The following PAX7 variants were observed in gnomAD, a reference collection of about 807,000 sequenced individuals.
PAX7 encodes paired box 7, also known as paired box protein Pax-7.
In PAX7, 18 loss-of-function variants were observed where a neutral mutation model predicts 50.7. That is an observed-to-expected ratio of 0.36 (90% CI 0.25 to 0.53). The LOEUF (loss-of-function observed/expected upper bound fraction) is 0.53, where lower values mean the gene tolerates loss of function less well. Ranked by LOEUF, PAX7 falls within the 20% of genes least tolerant of loss-of-function variation. The pLI is 0.93. For missense variants in PAX7, 644 were observed against 702.9 expected (o/e 0.92, Z 0.95); for synonymous variants, 310 against 290.4 (o/e 1.07, Z -0.69).
In PAX7 at chr1:18,694,476, A is replaced by G. The variant is rs200255194; in HGVS notation, c.786+2523A>G. Among the ~76,000 whole-genome samples the G allele has an allele frequency of 5.9e-3, 458 of 77,250 alleles. 3 individuals carry two copies. The highest frequency in any genetic ancestry group is 0.02 in the African/African-American group (426 of 20,904). The allele number at this position is 77,250 out of a possible 152,430, so 50.7% of individuals were successfully genotyped here. On this transcript the variant is annotated intron_variant, in intron 5 of 8. Coordinates refer to ENST00000420770, the MANE Select transcript of PAX7 (RefSeq NM_001135254.2). ...CTCTGTCTCGAAAATAAATAAATAA[A>G]TAAATAAATAAATAAATAAATAAAT...
chr1:18,670,082 C>CAAAAAA (rs10626256), intron 4 of PAX7, among the ~76,000 whole-genome samples: 1 of 81,338 alleles, frequency 1.2e-5, no homozygotes, highest in Admixed American at 1.5e-4. Flanking sequence ...GACTCCATCT[C>CAAAAAA]AAAAAAAAAA....
chr1:18,631,457 G>T lies in PAX7; in HGVS notation c.-147G>T. On this transcript the variant is annotated 5_prime_UTR_variant, in exon 1 of 9. Coordinates refer to ENST00000420770, the MANE Select transcript of PAX7 (RefSeq NM_001135254.2). ...ACTGCAGCCAGGGGTGGGGGGTGGG[G>T]GTAGGGAGTGTGTGTGGAGGGGAGG... 1.4e-6 allele frequency: 1 copy of T among 693,544 alleles called. No homozygotes were observed. Among genetic ancestry groups the T allele is most frequent in the South Asian group, 1.7e-5 (1 of 57,438 alleles). The allele number at this position is 693,544 out of a possible 1,614,324, so 43.0% of individuals were successfully genotyped here.
chr1:18,708,761 C>T (rs995251876), intron 7 of PAX7, among the ~76,000 whole-genome samples: 1 of 151,978 alleles, frequency 6.6e-6, no homozygotes, highest in African/African-American at 2.4e-5. Flanking sequence ...GATCTCCAGT[C>T]TGGTGGGGAA....
chr1:18,691,922 A>G lies in PAX7; in HGVS notation c.755A>G (p.Gln252Arg). Residue 252 changes from glutamine to arginine, a missense_variant, in exon 5 of 9, where the codon CAG (glutamine) becomes CGG (arginine). Coordinates refer to ENST00000420770, the MANE Select transcript of PAX7 (RefSeq NM_001135254.2). Reference protein sequence around the residue: ...PDIYTREELAQRTKLTEARVQ... With the variant: ...PDIYTREELARRTKLTEARVQ... Reference sequence around the variant, plus strand: ...ATATACACCCGCGAGGAGCTGGCGCAGAGGACCAAGCTGACAGAGGCGCGT... The same window carrying G: ...ATATACACCCGCGAGGAGCTGGCGCGGAGGACCAAGCTGACAGAGGCGCGT... The G allele has an allele frequency of 6.2e-7, 1 of 1,613,996 alleles. No homozygotes were observed.
rs1452979790 is a variant in PAX7, at chr1:18,705,177, A to C, written c.1155+1881A>C. Among the ~76,000 whole-genome samples, 6 of 152,294 alleles carry C rather than the reference A, an allele frequency of 3.9e-5. No homozygotes were observed. The East Asian group carries it at 1.2e-3, about 29-fold the overall frequency. On this transcript the variant is annotated intron_variant, in intron 7 of 8. Transcript: ENST00000420770. ...CAGGTGAGCTAAACCCTGCACATGG[A>C]ATACAGCCTGTCGGCCAGAATGTCT...
chr1:18,710,987 G>A (rs986180749), intron 7 of PAX7, among the ~76,000 whole-genome samples: 4 of 152,198 alleles, frequency 2.6e-5, no homozygotes, highest in Non-Finnish European at 4.4e-5. Context: ...TCTGCGCCCC[G>A]CCCAGCCCTT....
chr1:18,715,081 G>C (rs2089402015), intron 7 of PAX7, among the ~76,000 whole-genome samples: 1 of 152,180 alleles, frequency 6.6e-6, no homozygotes, highest in African/African-American at 2.4e-5. Context: ...GAGAGACGGG[G>C]GGTGACTTTG....
At chr1:18,728,201 G>A (rs1444750545) in intron 7 of PAX7, among the ~76,000 whole-genome samples, 1 of 152,140 alleles carries the variant, frequency 6.6e-6, no homozygotes, top group Non-Finnish European at 1.5e-5. Flanking sequence ...GTTGTGGGGT[G>A]GCAGTGTGTG....
In PAX7 at chr1:18,630,921, A is replaced by AC; in HGVS notation, c.-678dup. 1 of 195,384 alleles carries AC rather than the reference A, an allele frequency of 5.1e-6. No individual in the cohort carries two copies. The highest frequency in any genetic ancestry group is 7.8e-5 in the East Asian group (1 of 12,762). The allele number at this position is 195,384 out of a possible 1,614,324, so 12.1% of individuals were successfully genotyped here. ...CCATTTCTCTTTCCCCAACCCCGTCACCCCCTGTCTCCTCCGTCCAGCCCT... is the reference window on the plus strand; with the variant it reads ...CCATTTCTCTTTCCCCAACCCCGTCACCCCCCTGTCTCCTCCGTCCAGCCCT... On this transcript the variant is annotated 5_prime_UTR_variant, in exon 1 of 9. Coordinates refer to ENST00000420770, the MANE Select transcript of PAX7 (RefSeq NM_001135254.2).
At chr1:18,678,081 GA>G (rs11349871) in intron 4 of PAX7, among the ~76,000 whole-genome samples, 101,130 of 126,288 alleles carry the variant, frequency 0.8, 40,016 homozygotes, top group Middle Eastern at 0.86. Context: ...GACTCCGTCT[GA>G]AAAAAAAAAA....
At chr1:18,701,122 T>TAA (rs10678891) in intron 6 of PAX7, among the ~76,000 whole-genome samples, 23,447 of 151,898 alleles carry the variant, frequency 0.15, 2,735 homozygotes, top group African/African-American at 0.32. Flanking sequence ...TCTGCACTTC[T>TAA]AAAAATCCCC....
At position 18,636,292 on chromosome 1, in the gene PAX7, G is replaced by A. The variant is rs749862410; in HGVS notation, c.507G>A (p.Glu169=). 25 of 1,614,104 alleles carry A rather than the reference G, an allele frequency of 1.5e-5. No homozygotes were observed. Among genetic ancestry groups the A allele is most frequent in the Admixed American group, 1.0e-4 (6 of 60,008 alleles). Residue 169 remains glutamate (E), a synonymous_variant, in exon 4 of 9, where the codon GAG becomes GAA. Coordinates refer to ENST00000420770, the MANE Select transcript of PAX7 (RefSeq NM_001135254.2). This position sits in a 1 kb window ranked among gnomAD's most constrained non-coding sequence, Gnocchi z 5.1. ...VLRIKFGKKE[E]EDEADKKEDD... is the part of the protein sequence containing the mutation. ...GAATCAAGTTCGGGAAGAAAGAGGA[G>A]GAGGATGAAGCGGACAAGAAGGAGG...
Position 18,745,144 on chromosome 1 carries a change from C to G in PAX7, c.*215C>G. The G allele has an allele frequency of 1.7e-6, 1 of 573,106 alleles. No homozygotes were observed. Among genetic ancestry groups the G allele is most frequent in the South Asian group, 2.1e-5 (1 of 46,542 alleles). The allele number at this position is 573,106 out of a possible 1,614,324, so 35.5% of individuals were successfully genotyped here. ...TGATGCCCTTGGAGTCTGCTCCCCACTTTCCCCAAGGAGGGTTTCTGGTCA... is the reference window on the plus strand; with the variant it reads ...TGATGCCCTTGGAGTCTGCTCCCCAGTTTCCCCAAGGAGGGTTTCTGGTCA... On this transcript the variant is annotated 3_prime_UTR_variant, in exon 9 of 9. Coordinates refer to ENST00000420770, the MANE Select transcript of PAX7 (RefSeq NM_001135254.2).
intron 4 of PAX7, among the ~76,000 whole-genome samples, chr1:18,653,233 G>C (rs1340624594): frequency 6.6e-6 from 1 of 151,560 alleles, no homozygotes. Flanking sequence ...GGGCTTCCTG[G>C]CCCGCATTTT....
At chr1:18,665,150 T>C (rs2088650884) in intron 4 of PAX7, among the ~76,000 whole-genome samples, 1 of 152,114 alleles carries the variant, frequency 6.6e-6, no homozygotes, top group African/African-American at 2.4e-5. Flanking sequence ...CAGTAAGTGC[T>C]CAGTAAAGGT....
chr1:18,686,017 C>T (rs2088969175), intron 4 of PAX7, among the ~76,000 whole-genome samples: 1 of 152,222 alleles, frequency 6.6e-6, no homozygotes, highest in African/African-American at 2.4e-5. Context: ...GCAAATGGCT[C>T]CCAGCACCTT....
At chr1:18,688,498 A>G (rs1222986875) in intron 4 of PAX7, among the ~76,000 whole-genome samples, 2 of 152,222 alleles carry the variant, frequency 1.3e-5, no homozygotes, top group Non-Finnish European at 2.9e-5. Context: ...TCAAAACCCC[A>G]TGTAGCTAGT....
chr1:18,737,606 A>G (rs1046217338), intron 8 of PAX7, among the ~76,000 whole-genome samples: 1 of 152,254 alleles, frequency 6.6e-6, no homozygotes, highest in African/African-American at 2.4e-5. Context: ...ATATGCGCGA[A>G]TACATGTATG....
intron 5 of PAX7, among the ~76,000 whole-genome samples, chr1:18,695,015 A>G (rs947108811): frequency 2.0e-5 from 3 of 152,030 alleles, no homozygotes; most frequent in Non-Finnish European, 2.9e-5. Context: ...GGATTTTCCA[A>G]TCGTATAATA....
Sources: allele counts gnomAD v4.1 joint callset (sites outside exome capture counted in the v4.1 genomes callset), GRCh38; gene constraint gnomAD v4.1.1; non-coding constraint Gnocchi (gnomAD v3.1); transcripts MANE v1.5; gene names NCBI Gene and HGNC (gene_info 2026-07-23, HGNC 2026-07-21).